Variants in PAK1 observed in about 807,000 individuals in gnomAD.
The protein encoded by PAK1 is p21 (RAC1) activated kinase 1, also known as serine/threonine-protein kinase PAK 1.
In PAK1, 29 loss-of-function variants were observed where a neutral mutation model predicts 67.4. The ratio of observed to expected loss-of-function variants is 0.43; its 90% CI spans 0.32 to 0.59. The LOEUF is 0.59. Ranked by LOEUF, PAK1 falls within the 20% of genes least tolerant of loss-of-function variation. The probability of loss-of-function intolerance (pLI) is 0.07; values close to 1 mark genes in which losing one functional copy is unlikely to be tolerated. For synonymous variants in PAK1, 223 were observed against 237.4 expected (o/e 0.94, Z 0.56); for missense variants, 337 against 670.7 (o/e 0.50, Z 5.50).
chr11:77,370,091 A>G (rs965607029), intron 5 of PAK1, among the ~76,000 whole-genome samples: 1 of 152,168 alleles, frequency 6.6e-6, no homozygotes, highest in African/African-American at 2.4e-5. Context: ...GGGAGGTCTG[A>G]TACGATCTGT....
chr11:77,353,655 G>T, intron 7 of PAK1, 56 bp from the exon 8 acceptor site: 7 of 1,394,254 alleles, frequency 5.0e-6, no homozygotes, highest in Non-Finnish European at 7.1e-6. Context: ...ATACAAAAAA[G>T]GTTCCACATT....
Position 77,436,713 on chromosome 11 carries a change from A to G in PAK1, c.-22+36839T>C, listed in dbSNP as rs537538412. ...GCCAGTGCCAATCAGGAAGTAAGAT[A>G]TGCGTGGGAAAGCACATATGCAGAA... On this transcript the variant is annotated intron_variant, in intron 1 of 14. Coordinates refer to ENST00000356341, the MANE Select transcript of PAK1 (RefSeq NM_002576.5). Among the ~76,000 whole-genome samples the G allele has an allele frequency of 2.0e-5, 3 of 152,370 alleles. No homozygotes were observed. The South Asian group carries it at 6.2e-4, about 32-fold the overall frequency.
intron 1 of PAK1, among the ~76,000 whole-genome samples, chr11:77,472,294 C>T (rs573991099): frequency 4.6e-5 from 7 of 152,298 alleles, no homozygotes; most frequent in South Asian, 2.1e-4. Flanking sequence ...TTTTGAAAGG[C>T]ATAGTTTCTA....
In PAK1 at chr11:77,392,550, A is replaced by C. The variant is rs1339095893; in HGVS notation, c.-21-9T>G. On this transcript the variant is annotated splice_polypyrimidine_tract_variant and intron_variant, in intron 1 of 14. Transcript: ENST00000356341. ...ACCACCAGCAGCAGCTACTAGAATC[A>C]GAAATAAGAACAATATAACTCTTTT... is the stretch of plus-strand genomic sequence containing the variant. The C allele has an allele frequency of 6.4e-7, 1 of 1,558,024 alleles. No individual in the cohort carries two copies.
At chr11:77,523,324 A>C in the PAK1 span, among the ~76,000 whole-genome samples, 1 of 152,152 alleles carries the variant, frequency 6.6e-6, no homozygotes, top group African/African-American at 2.4e-5. Flanking sequence ...GGTCAAGGAG[A>C]GGGAAGGATA....
intron 1 of PAK1, among the ~76,000 whole-genome samples, chr11:77,425,833 G>C (rs1955515245): frequency 6.6e-6 from 1 of 152,190 alleles, no homozygotes; most frequent in Admixed American, 6.5e-5. Context: ...TCTTAGTGCA[G>C]TGGCTTCTGC....
chr11:77,360,635 G>A (rs1946655034), intron 5 of PAK1, among the ~76,000 whole-genome samples: 1 of 152,126 alleles, frequency 6.6e-6, no homozygotes, highest in South Asian at 2.1e-4. Flanking sequence ...TAGAGAAGGG[G>A]ATTTCAACAC....
intron 1 of PAK1, among the ~76,000 whole-genome samples, chr11:77,437,054 G>A (rs1956158476): frequency 6.6e-6 from 1 of 152,052 alleles, no homozygotes. Flanking sequence ...AAAGTCGTCT[G>A]GAAACTAAAA....
intron 2 of PAK1, among the ~76,000 whole-genome samples, chr11:77,383,906 A>G (rs2137199198): frequency 2.6e-5 from 4 of 152,350 alleles, no homozygotes; most frequent in Middle Eastern, 6.8e-3. Context: ...GTTAGTGGAA[A>G]GAATCTCAGA....
chr11:77,374,618 A>G (rs1948862048), intron 4 of PAK1, among the ~76,000 whole-genome samples: 1 of 152,180 alleles, frequency 6.6e-6, no homozygotes, highest in South Asian at 2.1e-4. Flanking sequence ...TGTTAAGTAC[A>G]GTTGGGTGTG....
chr11:77,325,501 C>A, intron 14 of PAK1: 1 of 939,126 alleles, frequency 1.1e-6, no homozygotes, highest in Non-Finnish European at 1.5e-6. Flanking sequence ...CAATATAACC[C>A]ATTTATTACT....
the PAK1 span, among the ~76,000 whole-genome samples, chr11:77,515,334 G>A: frequency 6.6e-6 from 1 of 152,116 alleles, no homozygotes; most frequent in Non-Finnish European, 1.5e-5. Context: ...AGTTAATCTA[G>A]ATAAAGAGAT....
chr11:77,387,073 C>CTTTTT (rs34065292), intron 2 of PAK1, among the ~76,000 whole-genome samples: 1 of 126,840 alleles, frequency 7.9e-6, no homozygotes, highest in Admixed American at 8.0e-5. Context: ...CACGCCCAGC[C>CTTTTT]TTTTTTTTTT....
chr11:77,460,550 C>T (rs377379959), intron 1 of PAK1, among the ~76,000 whole-genome samples: 3 of 137,288 alleles, frequency 2.2e-5, no homozygotes, highest in African/African-American at 7.8e-5. Context: ...ATCCCAGGAG[C>T]ACTTTTTTTT....
intron 11 of PAK1, among the ~76,000 whole-genome samples, chr11:77,338,493 AC>A (rs1343645621): frequency 1.3e-5 from 2 of 152,130 alleles, no homozygotes; most frequent in Non-Finnish European, 2.9e-5. Context: ...AGAAACTGGA[AC>A]CCTCATACAT....
At chr11:77,484,956 G>A in the PAK1 span, among the ~76,000 whole-genome samples, 1 of 152,024 alleles carries the variant, frequency 6.6e-6, no homozygotes, top group South Asian at 2.1e-4. Context: ...ATGGTAGCAG[G>A]CAAAAAAAGA....
At chr11:77,468,859 T>G (rs985095395) in intron 1 of PAK1, among the ~76,000 whole-genome samples, 4 of 152,208 alleles carry the variant, frequency 2.6e-5, no homozygotes, top group Admixed American at 2.6e-4. Flanking sequence ...CATTCATTAA[T>G]GATGTGCCTC....
chr11:77,386,160 T>C (rs1482640427), intron 2 of PAK1, among the ~76,000 whole-genome samples: 1 of 152,204 alleles, frequency 6.6e-6, no homozygotes, highest in Non-Finnish European at 1.5e-5. Context: ...AGGCTGACAC[T>C]GCAAAATCCC....
the PAK1 span, among the ~76,000 whole-genome samples, chr11:77,523,800 T>C: frequency 5.9e-5 from 9 of 152,280 alleles, no homozygotes; most frequent in East Asian, 1.7e-3. Context: ...TTAAAAAATA[T>C]AATGACAGTG....
Sources: gnomAD v4.1 joint callset for allele counts (sites outside exome capture counted in the v4.1 genomes callset) on GRCh38, gnomAD v4.1.1 for gene constraint, MANE v1.5 for transcripts, NCBI Gene and HGNC (gene_info 2026-07-23, HGNC 2026-07-21) for gene names.